Variants in VWC2 observed in about 807,000 individuals in gnomAD.
VWC2 encodes von Willebrand factor C domain containing 2.
Under a neutral mutation model 29.8 loss-of-function variants are expected in VWC2, and 14 were observed. That is an observed-to-expected ratio of 0.47 (90% CI 0.31 to 0.74). The LOEUF (loss-of-function observed/expected upper bound fraction) is 0.74, where lower values mean the gene tolerates loss of function less well. VWC2 is among the 30% of genes least tolerant of loss of function. VWC2 has a pLI of 0.05. For missense variants in VWC2, 457 were observed against 459.8 expected, an observed-to-expected ratio of 0.99 and a Z score of 0.05; for synonymous variants, 213 against 199.0, an observed-to-expected ratio of 1.07 and a Z score of -0.59.
chr7:49,874,178 A>ACC (rs1791297878), intron 3 of VWC2, among the ~76,000 whole-genome samples: 1 of 150,844 alleles, frequency 6.6e-6, no homozygotes, highest in Non-Finnish European at 1.5e-5. Context: ...ACATGCACAC[A>ACC]CCCACACACA....
intron 3 of VWC2, among the ~76,000 whole-genome samples, chr7:49,856,986 G>T (rs1790446948): frequency 8.6e-6 from 1 of 116,074 alleles, no homozygotes; most frequent in Non-Finnish European, 1.6e-5. Context: ...CTCCAACCTG[G>T]GTGACAGAGC....
intron 3 of VWC2, among the ~76,000 whole-genome samples, chr7:49,861,958 A>G (rs1450940535): frequency 6.6e-6 from 1 of 152,202 alleles, no homozygotes; most frequent in Non-Finnish European, 1.5e-5. Context: ...ATGGTTATCC[A>G]GGGACCTGTG....
At chr7:49,878,707 A>G (rs945066967) in intron 3 of VWC2, among the ~76,000 whole-genome samples, 10 of 152,030 alleles carry the variant, frequency 6.6e-5, no homozygotes, top group Admixed American at 5.9e-4. Context: ...CTCTGCCATA[A>G]TCTTTTAAAA....
intron 3 of VWC2, 106 bp downstream of exon 3, chr7:49,802,946 C>G (rs1788777337): frequency 1.4e-6 from 2 of 1,458,692 alleles, no homozygotes; most frequent in South Asian, 2.5e-5. Context: ...GAGTTTCATC[C>G]TATGTATCAA....
rs909752136 is a variant in VWC2, at chr7:49,917,925, T to A, written c.*5740T>A. ...AATTCTATTTTCATTTCTATTAGTT[T>A]TCAGGGTTTATTCTTTTCCTAAGCA... On this transcript the variant is annotated 3_prime_UTR_variant, in exon 4 of 4. Coordinates refer to ENST00000340652, the MANE Select transcript of VWC2 (RefSeq NM_198570.5). 14 of 152,308 alleles carry A rather than the reference T, an allele frequency of 9.2e-5. No individual in the cohort carries two copies. The South Asian group carries it at 2.9e-3, about 32-fold the overall frequency. 9.4% of individuals were successfully genotyped at this position (152,308 alleles called of 1,614,324 possible).
chr7:49,917,984 TC>T lies in VWC2; in HGVS notation c.*5801del, dbSNP rs1001133972. On this transcript the variant is annotated 3_prime_UTR_variant, in exon 4 of 4. Coordinates refer to ENST00000340652, the MANE Select transcript of VWC2 (RefSeq NM_198570.5). ...TTATAATGGAAAAAAGTGAAAAGTA[TC>T]CAGTAAGTAATATACACCTATGAAA... 6.6e-6 allele frequency: 1 copy of T among 152,178 alleles called. No individual in the cohort carries two copies. The highest frequency in any genetic ancestry group is 2.4e-5 in the African/African-American group (1 of 41,456). The allele number at this position is 152,178 out of a possible 1,614,324, so 9.4% of individuals were successfully genotyped here.
At chr7:49,827,659 A>G (rs1299662228) in intron 3 of VWC2, among the ~76,000 whole-genome samples, 2 of 152,140 alleles carry the variant, frequency 1.3e-5, no homozygotes, top group East Asian at 1.9e-4. Flanking sequence ...ATTAATAATA[A>G]TCACCATTTA....
At chr7:49,788,976 A>G (rs1788380489) in intron 2 of VWC2, among the ~76,000 whole-genome samples, 1 of 135,116 alleles carries the variant, frequency 7.4e-6, no homozygotes, top group Non-Finnish European at 1.6e-5. Flanking sequence ...AGTGTGTGTG[A>G]GCATGTGTGT....
intron 3 of VWC2, among the ~76,000 whole-genome samples, chr7:49,806,095 T>C (rs1357380316): frequency 2.0e-5 from 3 of 151,400 alleles, no homozygotes; most frequent in Non-Finnish European, 2.9e-5. Context: ...GTTTTTAAAT[T>C]CCACCCCCCC....
Position 49,863,534 on chromosome 7 carries a change from C to T in VWC2, c.827-48500C>T, listed in dbSNP as rs28818777. On this transcript the variant is annotated intron_variant, in intron 3 of 3. Transcript: ENST00000340652. ...GCAACCTCCACCTCCTGGGCTCAAG[C>T]GATCCTCCTGCCTCAGCCTCCCAAG... 4.6e-3 allele frequency among the ~76,000 whole-genome samples: 698 copies of T among 152,190 alleles called. 3 individuals carry two copies. The highest frequency in any genetic ancestry group is 0.016 in the African/African-American group (658 of 41,510).
At chr7:49,796,407 C>T (rs1788590808) in intron 2 of VWC2, among the ~76,000 whole-genome samples, 1 of 152,158 alleles carries the variant, frequency 6.6e-6, no homozygotes, top group East Asian at 1.9e-4. Context: ...GATTTCCTGG[C>T]ACCTATTCCA....
intron 3 of VWC2, among the ~76,000 whole-genome samples, chr7:49,822,639 A>C (rs994663692): frequency 6.6e-6 from 1 of 152,088 alleles, no homozygotes; most frequent in Non-Finnish European, 1.5e-5. Context: ...GGATTTCACC[A>C]TGTTGGCCAG....
At chr7:49,903,292 A>G (rs1440588296) in intron 3 of VWC2, among the ~76,000 whole-genome samples, 1 of 152,220 alleles carries the variant, frequency 6.6e-6, no homozygotes, top group Non-Finnish European at 1.5e-5. Context: ...ATGTTCACAG[A>G]AAATATTCAG....
At chr7:49,877,481 A>AAAAAATACATAC in intron 3 of VWC2, among the ~76,000 whole-genome samples, 1 of 12,722 alleles carries the variant, frequency 7.9e-5, no homozygotes, top group African/African-American at 2.8e-4. Flanking sequence ...AAAAAAAAAA[A>AAAAAATACATAC]ATATATATAT....
intron 3 of VWC2, among the ~76,000 whole-genome samples, chr7:49,860,320 C>T (rs2128719991): frequency 6.6e-6 from 1 of 152,304 alleles, no homozygotes; most frequent in East Asian, 1.9e-4. Flanking sequence ...TTTACCTGTT[C>T]TAGCTATTTC....
rs750604430 is a variant in VWC2 at position 49,912,176 on chromosome 7, G to A, written c.969G>A (p.Arg323=). 6.2e-7 allele frequency: 1 copy of A among 1,613,710 alleles called. No homozygotes were observed. Among genetic ancestry groups the A allele is most frequent in the East Asian group, 2.2e-5 (1 of 44,854 alleles). Residue 323 remains arginine (R), a synonymous_variant, in exon 4 of 4, where the codon AGG becomes AGA. Transcript: ENST00000340652. ...RQAMCTRHEC[R]QM is the part of the protein sequence containing the mutation. ...CCATGTGCACGAGACATGAATGCAGGCAAATGTAGACGCTTCCCAGAACAC... is the reference window on the plus strand; with the variant it reads ...CCATGTGCACGAGACATGAATGCAGACAAATGTAGACGCTTCCCAGAACAC...
rs1220691094 is a variant in VWC2, at chr7:49,877,481, AATATATATAT to A, written c.827-34525_827-34516del. On this transcript the variant is annotated intron_variant, in intron 3 of 3. Coordinates refer to ENST00000340652, the MANE Select transcript of VWC2 (RefSeq NM_198570.5). ...CTGTCTCAAAAAAAAAAAAAAAAAA[AATATATATAT>A]ATATATATATATATATATATATATA... is the stretch of plus-strand genomic sequence containing the variant. Among the ~76,000 whole-genome samples the A allele has an allele frequency of 9.0e-3, 115 of 12,720 alleles. 7 individuals are homozygous for A. The highest frequency in any genetic ancestry group is 0.025 in the Admixed American group (18 of 716). 8.3% of individuals were successfully genotyped at this position (12,720 alleles called of 152,430 possible).
At chr7:49,886,446 A>G (rs1310938402) in intron 3 of VWC2, among the ~76,000 whole-genome samples, 1 of 152,182 alleles carries the variant, frequency 6.6e-6, no homozygotes, top group African/African-American at 2.4e-5. Context: ...TTGATTTCAA[A>G]TGGATTTTTC....
chr7:49,773,921 C>A lies in VWC2; in HGVS notation c.-296C>A, dbSNP rs946740872. ...TACCGGCAGCTGACAGCGCGATGAG[C>A]GACTCCCCAGAGACGCCCTAGCCCG... On this transcript the variant is annotated 5_prime_UTR_variant, in exon 1 of 4. Transcript: ENST00000340652. The A allele has an allele frequency of 1.3e-5, 2 of 152,258 alleles. No homozygotes were observed. Among genetic ancestry groups the A allele is most frequent in the Non-Finnish European group, 2.9e-5 (2 of 68,142 alleles). The allele number at this position is 152,258 out of a possible 1,614,324, so 9.4% of individuals were successfully genotyped here.
Sources: allele counts gnomAD v4.1 joint callset (sites outside exome capture counted in the v4.1 genomes callset), GRCh38; gene constraint gnomAD v4.1.1; transcripts MANE v1.5; gene names NCBI Gene and HGNC (gene_info 2026-07-23, HGNC 2026-07-21).